Variants in BMPR1B observed in about 807,000 individuals in gnomAD.
BMPR1B encodes the protein bone morphogenetic protein receptor type 1B, also known as bone morphogenetic protein receptor type-1B.
Under a neutral mutation model 59.1 loss-of-function variants are expected in BMPR1B, and 12 were observed. That is an observed-to-expected ratio of 0.20 (90% confidence interval 0.13 to 0.33). The LOEUF (loss-of-function observed/expected upper bound fraction) is 0.33. Ranked by LOEUF, BMPR1B falls within the 10% of genes least tolerant of loss-of-function variation. BMPR1B has a pLI of 1.00. For missense variants in BMPR1B, 550 were observed against 610.9 expected, an observed-to-expected ratio of 0.90 and a Z score of 1.05; for synonymous variants, 237 against 207.3, an observed-to-expected ratio of 1.14 and a Z score of -1.23.
At chr4:94,969,519 A>G (rs1730691595) in intron 2 of BMPR1B, among the ~76,000 whole-genome samples, 2 of 152,164 alleles carry the variant, frequency 1.3e-5, no homozygotes, top group African/African-American at 4.8e-5. Flanking sequence ...GTAGCTATTA[A>G]AATGCTTTTT....
At chr4:94,784,901 G>A (rs1722710235) in intron 1 of BMPR1B, among the ~76,000 whole-genome samples, 1 of 152,118 alleles carries the variant, frequency 6.6e-6, no homozygotes, top group Non-Finnish European at 1.5e-5. Context: ...GTGACCTTTA[G>A]GGTAAGAGTC....
chr4:95,138,869 G>A (rs1041913066), intron 10 of BMPR1B, among the ~76,000 whole-genome samples: 33 of 152,150 alleles, frequency 2.2e-4, no homozygotes, highest in Admixed American at 5.2e-4. Flanking sequence ...CCTTTAGCTC[G>A]GAGAAGTTTG....
intron 3 of BMPR1B, among the ~76,000 whole-genome samples, chr4:95,062,209 G>A (rs1427925024): frequency 6.6e-6 from 1 of 151,854 alleles, no homozygotes; most frequent in Non-Finnish European, 1.5e-5. Flanking sequence ...TAAGAAACAG[G>A]TTACAAAACA....
At chr4:94,969,774 G>C (rs1341516696) in intron 2 of BMPR1B, among the ~76,000 whole-genome samples, 3 of 152,080 alleles carry the variant, frequency 2.0e-5, no homozygotes, top group African/African-American at 4.8e-5. Flanking sequence ...TGTCTACTTT[G>C]TTCTCCTCTG....
At position 95,005,180 on chromosome 4, in the gene BMPR1B, T is replaced by G. The variant is rs929639570; in HGVS notation, c.-18+9046T>G. 3.3e-5 allele frequency among the ~76,000 whole-genome samples: 5 copies of G among 152,300 alleles called. No individual in the cohort carries two copies. The East Asian group carries it at 9.7e-4, about 29-fold the overall frequency. ...TCTAGTTAAAAGGAAATGTGATATT[T>G]GTGCTAACATGATTTCATTGTTAAT... On this transcript the variant is annotated intron_variant, in intron 3 of 12. Transcript: ENST00000515059.
chr4:95,107,230 T>C (rs1229129549), intron 4 of BMPR1B, among the ~76,000 whole-genome samples: 1 of 152,058 alleles, frequency 6.6e-6, no homozygotes, highest in Admixed American at 6.6e-5. Context: ...GAGTATGGTG[T>C]CACTGAAGCC....
intron 11 of BMPR1B, among the ~76,000 whole-genome samples, chr4:95,152,269 C>T (rs1207223519): frequency 6.6e-6 from 1 of 152,072 alleles, no homozygotes; most frequent in Non-Finnish European, 1.5e-5. Flanking sequence ...GTAATAGAAA[C>T]AGTCACATGT....
At chr4:95,056,068 A>G (rs549879831) in intron 3 of BMPR1B, among the ~76,000 whole-genome samples, 3 of 152,212 alleles carry the variant, frequency 2.0e-5, no homozygotes, top group Non-Finnish European at 2.9e-5. Flanking sequence ...AATTTGAACA[A>G]ATCCTCAAAT....
intron 3 of BMPR1B, among the ~76,000 whole-genome samples, chr4:95,059,342 G>T (rs1336627047): frequency 6.6e-6 from 1 of 152,010 alleles, no homozygotes; most frequent in Non-Finnish European, 1.5e-5. Flanking sequence ...GTTTTCATAG[G>T]ATTATTACAA....
intron 2 of BMPR1B, among the ~76,000 whole-genome samples, chr4:94,971,806 T>C (rs1392515240): frequency 6.6e-6 from 1 of 152,054 alleles, no homozygotes; most frequent in Non-Finnish European, 1.5e-5. Flanking sequence ...TTATTTCTTA[T>C]ATACTCCTAT....
intron 1 of BMPR1B, among the ~76,000 whole-genome samples, chr4:94,806,659 C>T (rs965549959): frequency 1.3e-5 from 2 of 152,166 alleles, no homozygotes; most frequent in Admixed American, 1.3e-4. Context: ...GTCAATTCTG[C>T]TCTCAGTGCT....
At chr4:95,017,796 A>G (rs1021757757) in intron 3 of BMPR1B, among the ~76,000 whole-genome samples, 1 of 152,146 alleles carries the variant, frequency 6.6e-6, no homozygotes, top group Non-Finnish European at 1.5e-5. Flanking sequence ...TCTTTTTCTA[A>G]TGCAAAGAGT....
At chr4:94,847,777 A>G (rs1366752398) in intron 1 of BMPR1B, among the ~76,000 whole-genome samples, 2 of 152,268 alleles carry the variant, frequency 1.3e-5, no homozygotes, top group Admixed American at 6.5e-5. Flanking sequence ...ATGATGTTTC[A>G]TAGTGGCTGA....
rs1177905526 is a variant in BMPR1B, at chr4:94,784,584, C to T, written c.-183+26516C>T. On this transcript the variant is annotated intron_variant, in intron 1 of 12. Transcript: ENST00000515059. ...TGTGGCACAGACTAGTCTTATACTC[C>T]TGGCCTCAAGTGATCTTCCTGCCTT... Among the ~76,000 whole-genome samples the T allele has an allele frequency of 2.6e-5, 4 of 152,062 alleles. 1 individual carries two copies. Among genetic ancestry groups the T allele is most frequent in the Admixed American group, 2.0e-4 (3 of 15,278 alleles).
intron 2 of BMPR1B, among the ~76,000 whole-genome samples, chr4:94,899,429 A>G (rs1032867116): frequency 4.0e-5 from 6 of 150,016 alleles, no homozygotes; most frequent in Admixed American, 2.0e-4. Flanking sequence ...ATATGTATAT[A>G]TATACACACA....
chr4:95,079,242 C>T (rs1463726723), intron 3 of BMPR1B, among the ~76,000 whole-genome samples: 6 of 152,044 alleles, frequency 3.9e-5, no homozygotes, highest in African/African-American at 1.2e-4. Context: ...TGTGAGGTAA[C>T]GGTGTTTGTT....
intron 2 of BMPR1B, among the ~76,000 whole-genome samples, chr4:94,908,196 C>T (rs541505168): frequency 6.7e-6 from 1 of 150,080 alleles, no homozygotes; most frequent in East Asian, 2.0e-4. Flanking sequence ...AGATATTTTT[C>T]ATAAGAATTG....
chr4:94,857,312 G>T (rs1725798556), intron 1 of BMPR1B, among the ~76,000 whole-genome samples: 1 of 152,164 alleles, frequency 6.6e-6, no homozygotes, highest in African/African-American at 2.4e-5. Flanking sequence ...TACAAGTTCA[G>T]TGAAAAGGTG....
chr4:94,762,862 T>C (rs1578615310), intron 1 of BMPR1B, among the ~76,000 whole-genome samples: 2 of 152,010 alleles, frequency 1.3e-5, no homozygotes, highest in African/African-American at 2.4e-5. Context: ...GTTTTTGTTT[T>C]TTTTTTTTTG....
Sources: allele counts gnomAD v4.1 joint callset (sites outside exome capture counted in the v4.1 genomes callset), GRCh38; gene constraint gnomAD v4.1.1; transcripts MANE v1.5; gene names NCBI Gene and HGNC (gene_info 2026-07-23, HGNC 2026-07-21).